ATRX: variants seen among roughly 807,000 people sequenced by gnomAD.
The protein encoded by ATRX is ATRX chromatin remodeler, also known as chromatin remodeler ATRX.
A neutral mutation model predicts 172.6 loss-of-function variants in ATRX; 12 were observed. The ratio of observed to expected loss-of-function variants is 0.07; its 90% CI spans 0.04 to 0.11. ATRX has a LOEUF of 0.11. Ranked by LOEUF, ATRX falls within the 10% of genes least tolerant of loss-of-function variation. The pLI is 1.00. For synonymous variants in ATRX, 674 were observed against 594.7 expected (o/e 1.13, Z -1.94); for missense variants, 1,368 against 1,767.4 (o/e 0.77, Z 4.05).
rs1005329307 is a variant in ATRX, at chrX:77,762,306, A to G, written c.20+23676T>C. On this transcript the variant is annotated intron_variant, in intron 1 of 34. Transcript: ENST00000373344. ...GGCGACAGAGCAAGACTCTGTCTCAAAAAAAAAAAAAAAAAAAAAAAAGAT... is the reference window on the plus strand; with the variant it reads ...GGCGACAGAGCAAGACTCTGTCTCAGAAAAAAAAAAAAAAAAAAAAAAGAT... 2.6e-4 allele frequency among the ~76,000 whole-genome samples: 26 copies of G among 100,025 alleles called. No individual in the cohort carries two copies. In the East Asian group the frequency reaches 7.8e-3, roughly 30 times the overall value. 86.9% of individuals were successfully genotyped at this position (100,025 alleles called of 115,157 possible). A position where few individuals can be genotyped will look rare whatever the true frequency, so the allele number is the denominator to read the frequency against.
At chrX:77,709,537 TTACCTATGTGACAAACCTTCACAGG>T (rs2148720765) in intron 2 of ATRX, among the ~76,000 whole-genome samples, 1 of 110,475 alleles carries the variant, frequency 9.1e-6, no homozygotes, top group African/African-American at 3.3e-5. Context: ...TGATGCTACC[TTACCTATGTGACAAACCTTCACAGG>T]TACCACTGAA....
chrX:77,674,311 C>T (rs1231862992), intron 10 of ATRX: 1 of 111,098 alleles, frequency 9.0e-6, no homozygotes, highest in Non-Finnish European at 1.9e-5. Context: ...GACTACATAA[C>T]CCATGGGTAT....
intron 1 of ATRX, among the ~76,000 whole-genome samples, chrX:77,765,642 T>C (rs2075879989): frequency 9.0e-6 from 1 of 111,696 alleles, no homozygotes; most frequent in Non-Finnish European, 1.9e-5. Context: ...TTAAGCAAAC[T>C]GCAACCTCAG....
chrX:77,740,501 T>C (rs1472036452), intron 1 of ATRX, among the ~76,000 whole-genome samples: 6 of 110,692 alleles, frequency 5.4e-5, no homozygotes, highest in African/African-American at 1.6e-4. Flanking sequence ...AAAGAAACTA[T>C]ATTCAAATAT....
intron 1 of ATRX, among the ~76,000 whole-genome samples, chrX:77,785,426 A>T (rs2076699206): frequency 9.1e-6 from 1 of 109,378 alleles, no homozygotes; most frequent in Non-Finnish European, 1.9e-5. Context: ...CTGGAACTGC[A>T]CCACAACCCA....
Position 77,698,632 on chromosome X carries a change from A to T in ATRX, c.134-3T>A, listed in dbSNP as rs587780287. On this transcript the variant is annotated splice_region_variant and splice_polypyrimidine_tract_variant and intron_variant, in intron 2 of 34. Coordinates refer to ENST00000373344, the MANE Select transcript of ATRX (RefSeq NM_000489.6). ...ACTTCCAGAACCACTGATTTTATCT[A>T]AAAAAGAAGAAATAAAGAACATTAT... The T allele has an allele frequency of 1.7e-6, 2 of 1,187,395 alleles. No individual in the cohort carries two copies. Among genetic ancestry groups the T allele is most frequent in the Non-Finnish European group, 2.3e-6 (2 of 873,782 alleles).
intron 1 of ATRX, among the ~76,000 whole-genome samples, chrX:77,769,751 A>G (rs975756225): frequency 1.3e-4 from 14 of 111,750 alleles, no homozygotes; most frequent in African/African-American, 4.5e-4. Flanking sequence ...AAATATGAGA[A>G]CTGCTATTGT....
intron 22 of ATRX, among the ~76,000 whole-genome samples, chrX:77,612,419 G>T: frequency 9.2e-6 from 1 of 108,325 alleles, no homozygotes; most frequent in Non-Finnish European, 1.9e-5. Context: ...GGCCTGTTGG[G>T]GGGTGAGGGG....
At chrX:77,545,906 G>GT (rs1198884378) in intron 30 of ATRX, among the ~76,000 whole-genome samples, 1 of 111,123 alleles carries the variant, frequency 9.0e-6, no homozygotes, top group Non-Finnish European at 1.9e-5. Flanking sequence ...CTAAGGATCA[G>GT]TAAGTTCAGC....
intron 28 of ATRX, among the ~76,000 whole-genome samples, chrX:77,563,851 G>C (rs1557063176): frequency 9.1e-6 from 1 of 109,786 alleles, no homozygotes; most frequent in East Asian, 2.9e-4. Context: ...CCTGGTCCCA[G>C]TTCAAAGGCC....
intron 2 of ATRX, among the ~76,000 whole-genome samples, chrX:77,716,109 A>ATT (rs1557164558): frequency 9.1e-4 from 62 of 67,917 alleles, no homozygotes; most frequent in African/African-American, 1.2e-3. Flanking sequence ...TGTCTCTAAA[A>ATT]ATTTTTTTTT....
At chrX:77,601,078 C>A (rs1230737434) in intron 22 of ATRX, among the ~76,000 whole-genome samples, 1 of 110,851 alleles carries the variant, frequency 9.0e-6, no homozygotes, top group Non-Finnish European at 1.9e-5. Flanking sequence ...TAAATTCTAT[C>A]CATGGACCCT....
chrX:77,532,824 A>G (rs1300193423), intron 30 of ATRX, among the ~76,000 whole-genome samples: 1 of 112,326 alleles, frequency 8.9e-6, no homozygotes, highest in African/African-American at 3.2e-5. Context: ...GCTTCTGCAC[A>G]GCAAAAGAAA....
At chrX:77,589,741 G>T in intron 27 of ATRX, 93 bp downstream of exon 27, 1 of 763,268 alleles carries the variant, frequency 1.3e-6, no homozygotes, top group Non-Finnish European at 1.9e-6. Flanking sequence ...TTGTGAGACT[G>T]GGTAGTTTTG....
intron 30 of ATRX, among the ~76,000 whole-genome samples, chrX:77,548,558 C>T (rs2064336015): frequency 8.9e-6 from 1 of 112,062 alleles, no homozygotes; most frequent in Non-Finnish European, 1.9e-5. Flanking sequence ...CTAACACTTG[C>T]TCTACAATTA....
intron 28 of ATRX, among the ~76,000 whole-genome samples, chrX:77,573,930 T>C (rs111448971): frequency 1.8e-5 from 2 of 111,352 alleles, no homozygotes; most frequent in African/African-American, 6.5e-5. Flanking sequence ...GTCCCTCAAG[T>C]GGAAGTAGCT....
Position 77,505,482 on chromosome X carries a change from A to C in ATRX, c.*2869T>G, listed in dbSNP as rs2062690558. The C allele has an allele frequency of 5.7e-6, 1 of 174,910 alleles. No individual in the cohort carries two copies. Among genetic ancestry groups the C allele is most frequent in the Non-Finnish European group, 1.1e-5 (1 of 91,077 alleles). The allele number at this position is 174,910 out of a possible 1,213,427, so 14.4% of individuals were successfully genotyped here. On this transcript the variant is annotated 3_prime_UTR_variant, in exon 35 of 35. Coordinates refer to ENST00000373344, the MANE Select transcript of ATRX (RefSeq NM_000489.6). The stretch of plus-strand genomic sequence containing the variant: ...TTACACAAAGACATCCAAAACTAAC[A>C]CAAACACACATGGACTTCCTGGTAT...
chrX:77,682,164 C>T lies in ATRX; in HGVS notation c.3092G>A (p.Gly1031Asp), dbSNP rs782088552. 2 of 1,210,706 alleles carry T rather than the reference C, an allele frequency of 1.7e-6. No individual in the cohort carries two copies. Among genetic ancestry groups the T allele is most frequent in the Non-Finnish European group, 2.2e-6 (2 of 895,049 alleles). ...TGTTCCATTCTTAATTTGTTTTATG[C>T]CCTTAGGAAAATGACAAATTTCTTC... ...EREEICHFPK[G>D]IKQIKNGTTD... is the part of the protein sequence containing the mutation. The change falls in exon 9 of 35, where the codon GGC becomes GAC. Residue 1031 changes from glycine (G) to aspartate (D), a missense_variant. Physicochemically the swap from Gly to Asp is moderately conservative, Grantham distance 94. Transcript: ENST00000373344.
intron 2 of ATRX, among the ~76,000 whole-genome samples, chrX:77,708,147 T>A (rs1024146629): frequency 1.1e-4 from 12 of 112,322 alleles, no homozygotes; most frequent in Non-Finnish European, 2.1e-4. Context: ...TACAGCCGCA[T>A]TATTCCTAAC....
Sources: gnomAD v4.1 joint callset for allele counts (sites outside exome capture counted in the v4.1 genomes callset) on GRCh38, gnomAD v4.1.1 for gene constraint, MANE v1.5 for transcripts, NCBI Gene and HGNC (gene_info 2026-07-23, HGNC 2026-07-21) for gene names.